Variants in DNAH17 observed in about 807,000 individuals in gnomAD.
The protein encoded by DNAH17 is axonemal beta dynein heavy chain 17.
A neutral mutation model predicts 485.6 loss-of-function variants in DNAH17; 376 were observed. That is an observed-to-expected ratio of 0.77 (90% CI 0.71 to 0.84). The LOEUF is 0.84. Among genes scored for constraint, DNAH17 ranks in the 40% least tolerant of loss-of-function variants. The pLI, the probability that DNAH17 is intolerant of heterozygous loss-of-function variation, is 0.00. For synonymous variants in DNAH17, 3,031 were observed against 2,405.9 expected, an observed-to-expected ratio of 1.26 and a Z score of -7.60; for missense variants, 6,370 against 5,839.3, an observed-to-expected ratio of 1.09 and a Z score of -2.96.
chr17:78,461,050 G>A (rs1054180627), intron 58 of DNAH17, among the ~76,000 whole-genome samples: 11 of 151,944 alleles, frequency 7.2e-5, no homozygotes, highest in Non-Finnish European at 1.6e-4. Flanking sequence ...CCGCTAAGCC[G>A]TGGTTCTCAA....
intron 26 of DNAH17, among the ~76,000 whole-genome samples, chr17:78,511,727 T>C (rs1427657240): frequency 6.6e-6 from 1 of 152,240 alleles, no homozygotes; most frequent in Non-Finnish European, 1.5e-5. Flanking sequence ...AGATGGAACC[T>C]TGCATCTCTA....
chr17:78,458,634 G>A lies in DNAH17; in HGVS notation c.9908C>T (p.Ala3303Val), dbSNP rs1487692762. 1.6e-5 allele frequency: 26 copies of A among 1,614,042 alleles called. No individual in the cohort carries two copies. The highest frequency in any genetic ancestry group is 1.8e-5 in the Non-Finnish European group (21 of 1,179,896). The part of the protein sequence containing the change: ...LSNLTSAFEK[A>V]TAEKIKCQQE... ...CTGACACTTGATTTTCTCAGCTGTT[G>A]CTTTTTCAAACGCTGAGGTTAGGTT... Residue 3303 changes from alanine to valine, a missense_variant, in exon 62 of 81, where the codon GCA becomes GTA. Ala to Val is a moderately conservative substitution (Grantham distance 64). Coordinates refer to ENST00000389840, the MANE Select transcript of DNAH17 (RefSeq NM_173628.4).
chr17:78,439,404 T>C (rs1185646857), intron 72 of DNAH17, among the ~76,000 whole-genome samples, 187 bp from the exon 73 acceptor site: 1 of 152,094 alleles, frequency 6.6e-6, no homozygotes, highest in Non-Finnish European at 1.5e-5. Flanking sequence ...TTCAGTATAT[T>C]CACAATGCTG....
At chr17:78,488,029 T>C (rs1203063163) in intron 44 of DNAH17, among the ~76,000 whole-genome samples, 2 of 152,212 alleles carry the variant, frequency 1.3e-5, no homozygotes, top group African/African-American at 4.8e-5. Flanking sequence ...CAAGTCCAGT[T>C]GGTCTTCAGT....
chr17:78,575,105 G>A, intron 1 of DNAH17, 23 bp from the exon 2 acceptor site: 3 of 1,472,456 alleles, frequency 2.0e-6, no homozygotes, highest in Non-Finnish European at 2.8e-6. Flanking sequence ...CAAGAAACAG[G>A]TACGAACTGT....
At chr17:78,508,787 ATTT>A (rs1404001533) in intron 27 of DNAH17, among the ~76,000 whole-genome samples, 2 of 151,848 alleles carry the variant, frequency 1.3e-5, no homozygotes, top group African/African-American at 4.8e-5. Context: ...TGTTAATTCT[ATTT>A]TTTATTTTTA....
intron 54 of DNAH17, among the ~76,000 whole-genome samples, chr17:78,474,341 C>T (rs896128899): frequency 2.6e-5 from 4 of 152,224 alleles, no homozygotes; most frequent in Admixed American, 2.0e-4. Context: ...ATCTCAAGCA[C>T]GATGATTCCT....
rs539649926 is a variant in DNAH17, at chr17:78,475,825, A to C, written c.8163T>G (p.Gly2721=). Residue 2721 remains glycine, a synonymous_variant, in exon 53 of 81, where the codon GGT becomes GGG. Coordinates refer to ENST00000389840, the MANE Select transcript of DNAH17 (RefSeq NM_173628.4). ...ASTKKFFDDL[G]DELLFAKPNI... The stretch of plus-strand genomic sequence containing the variant: ...TTGGCTTGGCAAATAAGAGTTCATC[A>C]CCAAGATCCTAGAAAAAGAAAAAAA... The C allele has an allele frequency of 6.2e-6, 10 of 1,609,480 alleles. No homozygotes were observed. The African/African-American group carries it at 1.3e-4, about 22-fold the overall frequency.
chr17:78,461,091 A>ACCC (rs370960945), intron 58 of DNAH17, among the ~76,000 whole-genome samples: 1 of 148,446 alleles, frequency 6.7e-6, no homozygotes, highest in African/African-American at 2.5e-5. Context: ...CAAGGAGCCC[A>ACCC]CCCCCAGGCC....
chr17:78,536,698 GA>G (rs2091383361), intron 19 of DNAH17, among the ~76,000 whole-genome samples: 1 of 151,802 alleles, frequency 6.6e-6, no homozygotes. Flanking sequence ...TTACAGGACT[GA>G]GTGAACAGTC....
At position 78,480,715 on chromosome 17, in the gene DNAH17, G is replaced by C. The variant is rs750924850; in HGVS notation, c.7721C>G (p.Ser2574Cys). The C allele has an allele frequency of 6.2e-7, 1 of 1,613,742 alleles. No individual in the cohort carries two copies. Among genetic ancestry groups the C allele is most frequent in the East Asian group, 2.2e-5 (1 of 44,842 alleles). The change falls in exon 49 of 81, where the codon TCC becomes TGC. Residue 2574 changes from serine (S) to cysteine (C), a missense_variant. Transcript: ENST00000389840. Reference sequence around the variant, plus strand: ...CCTGGAGTCGATGGTGAAGGATCCGGAAGTGGGGTTCATGCAGGCCACGTA... The same window carrying C: ...CCTGGAGTCGATGGTGAAGGATCCGCAAGTGGGGTTCATGCAGGCCACGTA... Reference protein sequence around the residue: ...CQYVACMNPTSGSFTIDSRLQ... With the variant: ...CQYVACMNPTCGSFTIDSRLQ...
intron 80 of DNAH17, chr17:78,424,410 T>G: frequency 2.3e-6 from 1 of 442,422 alleles, no homozygotes; most frequent in East Asian, 3.5e-5. Flanking sequence ...ATCTGTGGCA[T>G]TTTCAGAGCC....
At chr17:78,526,776 C>CGGCCACCTGCCCCAAGGGT in intron 23 of DNAH17, 39 bp from the exon 24 acceptor site, 2 of 1,571,098 alleles carry the variant, frequency 1.3e-6, no homozygotes, top group Non-Finnish European at 1.7e-6. Context: ...AGTCACGGGG[C>CGGCCACCTGCCCCAAGGGT]GGCCACCTGC....
chr17:78,451,535 A>G lies in DNAH17; in HGVS notation c.10668T>C (p.Asp3556=), dbSNP rs34002770. The change falls in exon 66 of 81, where the codon GAT becomes GAC. Residue 3556 remains aspartate (D), a synonymous_variant. Coordinates refer to ENST00000389840, the MANE Select transcript of DNAH17 (RefSeq NM_173628.4). ...CGGCCAAGAGTTGGTCCTCGAGTCC[A>G]TCCCTGGTGACCAGGAAGTTGATGA... ...CTLINFLVTR[D]GLEDQLLAAV... is the part of the protein sequence containing the mutation. 7,954 of 1,613,708 alleles carry G rather than the reference A, an allele frequency of 4.9e-3. 339 individuals are homozygous for G. In the African/African-American group the frequency reaches 0.09, roughly 18 times the overall value.
At position 78,530,458 on chromosome 17, in the gene DNAH17, C is replaced by A; in HGVS notation, c.3169G>T (p.Val1057Leu). 3 of 1,613,454 alleles carry A rather than the reference C, an allele frequency of 1.9e-6. No individual in the cohort carries two copies. The highest frequency in any genetic ancestry group is 2.5e-6 in the Non-Finnish European group (3 of 1,179,590). ...TCGCACTGCAGCCAGCCGTGGAACA[C>A]CTTGGTGTTCTCGCACTTGGACACC... ...EEVSKCENTK[V>L]FHGWLQCDCR... The change falls in exon 21 of 81, where the codon GTG becomes TTG. Residue 1057 changes from valine (V) to leucine (L), a missense_variant. By Grantham distance (32) the Val-to-Leu change is conservative. Coordinates refer to ENST00000389840, the MANE Select transcript of DNAH17 (RefSeq NM_173628.4).
intron 48 of DNAH17, among the ~76,000 whole-genome samples, chr17:78,482,151 C>G (rs1043952877): frequency 1.4e-5 from 2 of 145,630 alleles, no homozygotes; most frequent in African/African-American, 5.1e-5. Flanking sequence ...ACACAGCTCA[C>G]GGCAGCCTCT....
rs144260048 is a variant in DNAH17, at chr17:78,549,930, G to C, written c.2391+1605C>G. The stretch of plus-strand genomic sequence containing the variant: ...CTGGATTTAACAGTTCAGTAGAGGA[G>C]AGAGAGAGAACAGCCACAGAGGAGG... On this transcript the variant is annotated intron_variant, in intron 16 of 80. Coordinates refer to ENST00000389840, the MANE Select transcript of DNAH17 (RefSeq NM_173628.4). Among the ~76,000 whole-genome samples the C allele has an allele frequency of 2.0e-5, 3 of 152,324 alleles. No individual in the cohort carries two copies. The East Asian group carries it at 5.8e-4, about 29-fold the overall frequency.
intron 53 of DNAH17, 89 bp from the exon 54 acceptor site, chr17:78,475,558 CA>C: frequency 5.0e-6 from 8 of 1,601,776 alleles, no homozygotes; most frequent in Middle Eastern, 2.0e-4. Context: ...CTGAGGTGTG[CA>C]CTGTGTGCCA....
At chr17:78,487,717 G>T (rs914681421) in intron 44 of DNAH17, among the ~76,000 whole-genome samples, 1 of 152,152 alleles carries the variant, frequency 6.6e-6, no homozygotes, top group Non-Finnish European at 1.5e-5. Context: ...TAGAGACAGG[G>T]TTTCGCCACG....
Sources: allele counts gnomAD v4.1 joint callset (sites outside exome capture counted in the v4.1 genomes callset), GRCh38; gene constraint gnomAD v4.1.1; transcripts MANE v1.5; gene names NCBI Gene and HGNC (gene_info 2026-07-23, HGNC 2026-07-21).